The following LETMD1 variants were observed in gnomAD, a reference collection of about 807,000 sequenced individuals.
The protein encoded by LETMD1 is LETM1 domain containing 1.
Under a neutral mutation model 43.9 loss-of-function variants are expected in LETMD1, and 30 were observed. The observed-to-expected ratio is 0.68, with a 90% CI of 0.51 to 0.93. The LOEUF is 0.93. Ranked by LOEUF, LETMD1 falls within the 40% of genes least tolerant of loss-of-function variation. The probability of loss-of-function intolerance (pLI) is 0.00; values close to 1 mark genes in which losing one functional copy is unlikely to be tolerated. For synonymous variants in LETMD1, 176 were observed against 163.1 expected (o/e 1.08, Z -0.60); for missense variants, 413 against 447.7 (o/e 0.92, Z 0.70).
downstream of LETMD1, chr12:51,063,646 T>A: frequency 1.1e-6 from 1 of 933,084 alleles, no homozygotes. Context: ...TAAAATAACA[T>A]GGGAGCAGCA....
intron 4 of LETMD1, 98 bp from the exon 5 acceptor site, chr12:51,055,737 T>C: frequency 1.6e-6 from 1 of 630,710 alleles, no homozygotes; most frequent in Non-Finnish European, 2.7e-6. Flanking sequence ...TGTCTCCATC[T>C]CTTCTTCCTA....
rs921997676 is a variant in LETMD1, at chr12:51,052,324, C to T, written c.390+117C>T. ...CATTGATCAAGCTTTTGCCCTTTGCCGTGAGAACAAAATATTGAACTGAAT... is the reference window on the plus strand; with the variant it reads ...CATTGATCAAGCTTTTGCCCTTTGCTGTGAGAACAAAATATTGAACTGAAT... On this transcript the variant is annotated intron_variant, in intron 3 of 8. Coordinates refer to ENST00000262055, the MANE Select transcript of LETMD1 (RefSeq NM_015416.5). 20 of 1,240,996 alleles carry T rather than the reference C, an allele frequency of 1.6e-5. No individual in the cohort carries two copies. In the Middle Eastern group the frequency reaches 5.8e-4, roughly 36 times the overall value. The allele number at this position is 1,240,996 out of a possible 1,614,324, so 76.9% of individuals were successfully genotyped here.
intron 8 of LETMD1, chr12:51,059,100 G>T: frequency 2.3e-6 from 1 of 436,532 alleles, no homozygotes; most frequent in Non-Finnish European, 4.3e-6. Flanking sequence ...CAACGCGACT[G>T]GTGTTTAGTA....
chr12:51,058,057 C>T lies in LETMD1; in HGVS notation c.941C>T (p.Ser314Phe). ...GCTTGTTATCTCCGTGGCCTGAATT[C>T]TACGCATATTGGTGAAGATAGGTGT... ...KSACYLRGLN[S>F]THIGEDRCRT... The change falls in exon 8 of 9, where the codon TCT becomes TTT. Residue 314 changes from serine (S) to phenylalanine (F), a missense_variant. Coordinates refer to ENST00000262055, the MANE Select transcript of LETMD1 (RefSeq NM_015416.5). The T allele has an allele frequency of 6.2e-7, 1 of 1,613,292 alleles. No individual in the cohort carries two copies. Among genetic ancestry groups the T allele is most frequent in the Non-Finnish European group, 8.5e-7 (1 of 1,179,268 alleles).
intron 1 of LETMD1, chr12:51,048,779 C>A: frequency 1.7e-6 from 1 of 585,956 alleles, no homozygotes; most frequent in Non-Finnish European, 3.0e-6. Context: ...ACTTAGCCTG[C>A]AGTTCAAATT....
chr12:51,055,666 A>AAAAG, intron 4 of LETMD1, 169 bp from the exon 5 acceptor site: 1 of 56,242 alleles, frequency 1.8e-5, no homozygotes, highest in Non-Finnish European at 2.6e-5. Flanking sequence ...CCTGTCTCTT[A>AAAAG]AAAAAAAAAA....
downstream of LETMD1, chr12:51,064,522 G>A (rs780987464): frequency 6.2e-6 from 10 of 1,613,168 alleles, no homozygotes; most frequent in Admixed American, 1.7e-5. Flanking sequence ...GCTGCTGGGC[G>A]GCTCACCTGC....
At chr12:51,049,615 TAC>T (rs1945394430) in intron 2 of LETMD1, among the ~76,000 whole-genome samples, 1 of 152,230 alleles carries the variant, frequency 6.6e-6, no homozygotes, top group African/African-American at 2.4e-5. Flanking sequence ...CCCTACATAA[TAC>T]TTGGTTTCTA....
intron 8 of LETMD1, chr12:51,059,140 A>G: frequency 1.9e-6 from 1 of 522,400 alleles, no homozygotes; most frequent in South Asian, 2.1e-5. Context: ...TTCTACTGCA[A>G]TCACATGAGA....
intron 2 of LETMD1, among the ~76,000 whole-genome samples, chr12:51,050,021 T>G (rs1468266428): frequency 6.6e-6 from 1 of 152,254 alleles, no homozygotes; most frequent in Non-Finnish European, 1.5e-5. Context: ...TATAATATGC[T>G]CTATGCTTTT....
chr12:51,067,342 T>C, the LETMD1 span, among the ~76,000 whole-genome samples: 1 of 152,126 alleles, frequency 6.6e-6, no homozygotes, highest in Non-Finnish European at 1.5e-5. This position sits in a 1 kb window ranked among gnomAD's most constrained non-coding sequence, Gnocchi z 4.1. Context: ...ATGCTTGTTT[T>C]CTTTGCAAAA....
In LETMD1 at chr12:51,059,423, A is replaced by G; in HGVS notation, c.1075A>G (p.Arg359Gly). 6.2e-7 allele frequency: 1 copy of G among 1,614,094 alleles called. No homozygotes were observed. Residue 359 changes from arginine (R) to glycine (G), a missense_variant, in exon 9 of 9, where the codon AGG (arginine) becomes GGG (glycine). Arg to Gly is a moderately radical substitution (Grantham distance 125). Coordinates refer to ENST00000262055, the MANE Select transcript of LETMD1 (RefSeq NM_015416.5). The stretch of plus-strand genomic sequence containing the variant: ...GCTCTCCACCAACTACCTTGGGACA[A>G]GGCGCTGAATGAACCATGGAGCGGA... ...VLLSTNYLGT[R>G]R
In LETMD1 at chr12:51,052,184, C is replaced by A; in HGVS notation, c.367C>A (p.Arg123=). Residue 123 remains arginine, a synonymous_variant, in exon 3 of 9, where the codon CGG becomes AGG. Coordinates refer to ENST00000262055, the MANE Select transcript of LETMD1 (RefSeq NM_015416.5). The part of the protein sequence containing the change: ...HNIKFHQLPY[R]EMEHLRQFRQ... The stretch of plus-strand genomic sequence containing the variant: ...TATAAAGTTTCATCAACTTCCATAC[C>A]GGGAGATGGAGCATTTGAGACAGGT... 6.2e-7 allele frequency: 1 copy of A among 1,613,770 alleles called. No individual in the cohort carries two copies. The highest frequency in any genetic ancestry group is 8.5e-7 in the Non-Finnish European group (1 of 1,179,738).
At position 51,055,712 on chromosome 12, in the gene LETMD1, G is replaced by A. The variant is rs577337449; in HGVS notation, c.474-123G>A. 1.6e-5 allele frequency: 7 copies of A among 430,472 alleles called. No individual in the cohort carries two copies. The South Asian group carries it at 2.4e-4, about 15-fold the overall frequency. 26.7% of individuals were successfully genotyped at this position (430,472 alleles called of 1,614,324 possible). A position where few individuals can be genotyped will look rare whatever the true frequency, so the allele number is the denominator to read the frequency against. Reference sequence around the variant, plus strand: ...AAAACTGAAAAAGAAAAAGAACACTGAGGTAGGGAAATAGTGTCTCCATCT... The same window carrying A: ...AAAACTGAAAAAGAAAAAGAACACTAAGGTAGGGAAATAGTGTCTCCATCT... On this transcript the variant is annotated intron_variant, in intron 4 of 8. Transcript: ENST00000262055.
At chr12:51,064,567 G>A, downstream of LETMD1, 1 of 1,612,604 alleles carries the variant, frequency 6.2e-7, no homozygotes, top group Non-Finnish European at 8.5e-7. Flanking sequence ...ATAATGGTGT[G>A]GAGGTAATGA....
downstream of LETMD1, chr12:51,061,582 C>CACTT (rs1592731315): frequency 1.3e-5 from 2 of 152,528 alleles, no homozygotes; most frequent in South Asian, 4.1e-4. Flanking sequence ...TAATATTTAG[C>CACTT]ACTTAAAAGT....
chr12:51,064,912 A>G (rs915513276), downstream of LETMD1, among the ~76,000 whole-genome samples: 4 of 152,232 alleles, frequency 2.6e-5, no homozygotes, highest in African/African-American at 7.2e-5. Flanking sequence ...AGAATCATTT[A>G]TCTCTCTAGG....
Position 51,053,852 on chromosome 12 carries a change from C to A in LETMD1, c.465C>A (p.Phe155Leu). ...SIPPFANYLVFLLMYLFPRQL... is the reference protein window; with the variant it reads ...SIPPFANYLVLLLMYLFPRQL... ...CACCTTTTGCCAACTACCTGGTCTT[C>A]TTGCTAATGTGAGTACAGACTTCCA... The change falls in exon 4 of 9, where the codon TTC becomes TTA. Residue 155 changes from phenylalanine to leucine, a missense_variant. Transcript: ENST00000262055. The A allele has an allele frequency of 6.2e-7, 1 of 1,606,158 alleles. No homozygotes were observed. The highest frequency in any genetic ancestry group is 8.5e-7 in the Non-Finnish European group (1 of 1,173,438).
chr12:51,055,767 G>A, intron 4 of LETMD1, 68 bp from the exon 5 acceptor site: 2 of 1,074,508 alleles, frequency 1.9e-6, no homozygotes, highest in South Asian at 1.6e-5. Flanking sequence ...TCTACCAAAT[G>A]CTTTCTTTGG....
Sources: gnomAD v4.1 joint callset for allele counts (sites outside exome capture counted in the v4.1 genomes callset) on GRCh38, gnomAD v4.1.1 for gene constraint, Gnocchi (gnomAD v3.1) non-coding constraint, MANE v1.5 for transcripts, NCBI Gene and HGNC (gene_info 2026-07-23, HGNC 2026-07-21) for gene names.